Variants in KCNJ15 observed in about 807,000 individuals in gnomAD.
KCNJ15 encodes ATP-sensitive inward rectifier potassium channel 15.
In KCNJ15, 14 loss-of-function variants were observed where a neutral mutation model predicts 23.0. The ratio of observed to expected loss-of-function variants is 0.61; its 90% CI spans 0.40 to 0.95. The LOEUF (loss-of-function observed/expected upper bound fraction) is 0.95, where lower values mean the gene tolerates loss of function less well. Among genes scored for constraint, KCNJ15 ranks in the 40% least tolerant of loss-of-function variants. The pLI is 0.00. For synonymous variants in KCNJ15, 185 were observed against 183.2 expected (o/e 1.01, Z -0.08); for missense variants, 388 against 461.8 (o/e 0.84, Z 1.46).
chr21:38,295,313 C>T (rs985446420), intron 1 of KCNJ15, among the ~76,000 whole-genome samples: 1 of 152,214 alleles, frequency 6.6e-6, no homozygotes, highest in African/African-American at 2.4e-5. Context: ...CATTCCTACA[C>T]ATGGTGTTAA....
chr21:38,245,994 G>A (rs1979349547), intron 1 of KCNJ15, among the ~76,000 whole-genome samples: 1 of 152,210 alleles, frequency 6.6e-6, no homozygotes, highest in Non-Finnish European at 1.5e-5. Flanking sequence ...TTGGGCAAGT[G>A]ACTTAATTCA....
chr21:38,278,357 G>A (rs1337842132), intron 1 of KCNJ15, among the ~76,000 whole-genome samples: 9 of 152,164 alleles, frequency 5.9e-5, no homozygotes, highest in Non-Finnish European at 1.3e-4. Flanking sequence ...CTACTAGCTA[G>A]TTGTGTGACC....
chr21:38,238,502 C>A, intron 1 of KCNJ15: 2 of 647,134 alleles, frequency 3.1e-6, no homozygotes, highest in South Asian at 1.4e-5. Context: ...TGCTGCTGGG[C>A]TGAGAGGGCA....
intron 1 of KCNJ15, among the ~76,000 whole-genome samples, chr21:38,293,995 C>G (rs903729288): frequency 1.3e-5 from 2 of 151,962 alleles, no homozygotes; most frequent in Non-Finnish European, 2.9e-5. Flanking sequence ...AAGGCCAAGG[C>G]CAAAGGTCAT....
chr21:38,235,902 A>C (rs949971494), intron 1 of KCNJ15, among the ~76,000 whole-genome samples: 1 of 152,218 alleles, frequency 6.6e-6, no homozygotes, highest in African/African-American at 2.4e-5. Flanking sequence ...TGAAATATAA[A>C]GATAAAACAT....
At chr21:38,280,988 G>A (rs1003991704) in intron 1 of KCNJ15, among the ~76,000 whole-genome samples, 2 of 152,154 alleles carry the variant, frequency 1.3e-5, no homozygotes, top group African/African-American at 4.8e-5. Context: ...GAGGAACAGT[G>A]GCTGCAAAAG....
At chr21:38,270,140 C>T (rs1207696370) in intron 1 of KCNJ15, among the ~76,000 whole-genome samples, 3 of 152,202 alleles carry the variant, frequency 2.0e-5, no homozygotes, top group South Asian at 2.1e-4. Context: ...TTTCCCTTCC[C>T]GATGGGGCCT....
chr21:38,242,610 T>C (rs866489821), intron 1 of KCNJ15, among the ~76,000 whole-genome samples: 1 of 152,174 alleles, frequency 6.6e-6, no homozygotes, highest in African/African-American at 2.4e-5. Flanking sequence ...GCCCTTGCCC[T>C]CGTGCCTCTC....
At chr21:38,290,099 C>T (rs993320204) in intron 1 of KCNJ15, among the ~76,000 whole-genome samples, 79 of 152,194 alleles carry the variant, frequency 5.2e-4, no homozygotes, top group African/African-American at 1.8e-3. Flanking sequence ...CCAGCTCTCT[C>T]ACAAATAAAG....
At chr21:38,245,805 A>C (rs1311402183) in intron 1 of KCNJ15, among the ~76,000 whole-genome samples, 1 of 152,154 alleles carries the variant, frequency 6.6e-6, no homozygotes, top group African/African-American at 2.4e-5. Flanking sequence ...ACACATGTTC[A>C]TTTTTGGCCA....
chr21:38,277,984 CAAAG>C (rs1251134509), intron 1 of KCNJ15, among the ~76,000 whole-genome samples: 1 of 152,204 alleles, frequency 6.6e-6, no homozygotes, highest in Non-Finnish European at 1.5e-5. Flanking sequence ...CCCCTGCCCT[CAAAG>C]AACTTCTAGG....
intron 1 of KCNJ15, among the ~76,000 whole-genome samples, chr21:38,249,701 T>G (rs1899704775): frequency 6.6e-6 from 1 of 152,224 alleles, no homozygotes; most frequent in Non-Finnish European, 1.5e-5. Context: ...GTCATAATTC[T>G]CTAGCTTTTA....
chr21:38,285,037 G>A (rs772999878), intron 1 of KCNJ15, among the ~76,000 whole-genome samples: 1 of 152,214 alleles, frequency 6.6e-6, no homozygotes, highest in Admixed American at 6.5e-5. Context: ...TTAGCACATA[G>A]TTGGTGCTCA....
In KCNJ15 at chr21:38,300,271, C is replaced by A. The variant is rs148141953; in HGVS notation, c.1010C>A (p.Pro337Gln). 37 of 1,613,992 alleles carry A rather than the reference C, an allele frequency of 2.3e-5. No individual in the cohort carries two copies. The African/African-American group carries it at 4.9e-4, about 22-fold the overall frequency. The part of the protein sequence containing the change: ...FSQFEQIRKS[P>Q]DCTFYCADSE... ...CAGTTTGAACAGATTCGGAAAAGCC[C>A]AGATTGCACATTTTACTGTGCAGAT... Residue 337 changes from proline to glutamine, a missense_variant, in exon 3 of 3, where the codon CCA becomes CAA. Pro to Gln is a moderately conservative substitution (Grantham distance 76, BLOSUM62 -1). Coordinates refer to ENST00000398938, the MANE Select transcript of KCNJ15 (RefSeq NM_170736.3).
chr21:38,252,530 A>G (rs1052692205), upstream of KCNJ15, among the ~76,000 whole-genome samples: 2 of 152,210 alleles, frequency 1.3e-5, no homozygotes, highest in African/African-American at 4.8e-5. Context: ...CATGATACCA[A>G]TAACAAAGGT....
rs574982452 is a variant in KCNJ15 at position 38,281,956 on chromosome 21, C to T, written c.-116-14970C>T. Among the ~76,000 whole-genome samples, 68 of 152,224 alleles carry T rather than the reference C, an allele frequency of 4.5e-4. 1 individual carries two copies. Among genetic ancestry groups the T allele is most frequent in the African/African-American group, 1.2e-3 (51 of 41,516 alleles). On this transcript the variant is annotated intron_variant, in intron 1 of 2. Transcript: ENST00000398938. ...TATTTTTTGACTTTTTAGTAATAGC[C>T]ATTCTGACTGGTGTGAGATGATAAC...
Position 38,302,494 on chromosome 21 carries a change from T to C in KCNJ15, c.*2105T>C, listed in dbSNP as rs1405825621. The C allele has an allele frequency of 6.6e-6, 1 of 151,368 alleles. No homozygotes were observed. Among genetic ancestry groups the C allele is most frequent in the Non-Finnish European group, 1.5e-5 (1 of 67,932 alleles). 9.4% of individuals were successfully genotyped at this position (151,368 alleles called of 1,614,324 possible). ...AATTATTTAGAAGGTTTTTTTTTCC[T>C]TGTCTGTTGATAATTTTATGGAAGG... On this transcript the variant is annotated 3_prime_UTR_variant, in exon 3 of 3. Transcript: ENST00000398938.
chr21:38,268,897 C>G (rs1456827702), intron 1 of KCNJ15: 5 of 152,282 alleles, frequency 3.3e-5, no homozygotes, highest in Admixed American at 6.5e-5. Context: ...TCCCCAGGAC[C>G]AGGCTGAGCT....
intron 1 of KCNJ15, among the ~76,000 whole-genome samples, chr21:38,279,054 GAA>G (rs746354263): frequency 6.6e-6 from 1 of 152,198 alleles, no homozygotes; most frequent in Non-Finnish European, 1.5e-5. Flanking sequence ...TGTCACCCAA[GAA>G]AGAAAATGTG....
Sources: gnomAD v4.1 joint callset for allele counts (sites outside exome capture counted in the v4.1 genomes callset) on GRCh38, gnomAD v4.1.1 for gene constraint, MANE v1.5 for transcripts, NCBI Gene and HGNC (gene_info 2026-07-23, HGNC 2026-07-21) for gene names.